Variants in LHX4 observed in about 807,000 individuals in gnomAD.
LHX4 encodes the protein LIM homeobox 4, also known as LIM/homeobox protein Lhx4.
A neutral mutation model predicts 39.2 loss-of-function variants in LHX4; 16 were observed. That is an observed-to-expected ratio of 0.41 (90% CI 0.28 to 0.62). LHX4 has a LOEUF of 0.62. Among genes scored for constraint, LHX4 ranks in the 20% least tolerant of loss-of-function variants. The pLI, the probability that LHX4 is intolerant of heterozygous loss-of-function variation, is 0.33. For synonymous variants in LHX4, 206 were observed against 198.1 expected, an observed-to-expected ratio of 1.04 and a Z score of -0.33; for missense variants, 439 against 511.9, an observed-to-expected ratio of 0.86 and a Z score of 1.37.
upstream of LHX4, among the ~76,000 whole-genome samples, chr1:180,229,467 C>T (rs942025923): frequency 6.6e-6 from 1 of 152,142 alleles, no homozygotes; most frequent in Non-Finnish European, 1.5e-5. Context: ...AGCCCCTGGT[C>T]CCCTTCCCCA....
At chr1:180,254,308 C>T (rs960042836) in intron 2 of LHX4, among the ~76,000 whole-genome samples, 2 of 152,226 alleles carry the variant, frequency 1.3e-5, no homozygotes, top group African/African-American at 2.4e-5. Flanking sequence ...CTCCCGGTAG[C>T]GGGATGGAGG....
intron 1 of LHX4, among the ~76,000 whole-genome samples, chr1:180,233,401 G>A (rs1664226093): frequency 6.6e-6 from 1 of 151,854 alleles, no homozygotes; most frequent in Admixed American, 6.6e-5. Context: ...CCTACGGCCC[G>A]CACCGACAGC....
At chr1:180,259,261 G>A (rs1476259824) in intron 2 of LHX4, among the ~76,000 whole-genome samples, 1 of 152,158 alleles carries the variant, frequency 6.6e-6, no homozygotes, top group Non-Finnish European at 1.5e-5. Flanking sequence ...GTTGGGTAGG[G>A]CACTGCCTTG....
At chr1:180,239,905 G>A (rs1030191422) in intron 1 of LHX4, among the ~76,000 whole-genome samples, 5 of 152,170 alleles carry the variant, frequency 3.3e-5, no homozygotes, top group African/African-American at 1.2e-4. Flanking sequence ...TGTCCCAAGA[G>A]GATGGCCACC....
At chr1:180,245,814 C>T (rs1647361508) in intron 1 of LHX4, among the ~76,000 whole-genome samples, 1 of 152,088 alleles carries the variant, frequency 6.6e-6, no homozygotes, top group African/African-American at 2.4e-5. Flanking sequence ...ATTTAAAAAG[C>T]AGAGCCAGGA....
chr1:180,259,684 C>G (rs574427265), intron 2 of LHX4, among the ~76,000 whole-genome samples: 7 of 151,544 alleles, frequency 4.6e-5, no homozygotes, highest in African/African-American at 1.7e-4. Flanking sequence ...GATGCCCGTG[C>G]TGGGGTGGGG....
intron 2 of LHX4, among the ~76,000 whole-genome samples, chr1:180,251,311 GCCA>G (rs1647620074): frequency 6.6e-6 from 1 of 152,136 alleles, no homozygotes; most frequent in African/African-American, 2.4e-5. Flanking sequence ...GCCTCCACAC[GCCA>G]GCCCAGGCTG....
At position 180,234,926 on chromosome 1, in the gene LHX4, G is replaced by A. The variant is rs893878653; in HGVS notation, c.76+4321G>A. The stretch of plus-strand genomic sequence containing the variant: ...GCCCCGCGGGCAGATGCCGGCCTGG[G>A]TGGCCCGGGGAACAGACGATGAATT... On this transcript the variant is annotated intron_variant, in intron 1 of 5. Transcript: ENST00000263726. This position sits in a 1 kb window ranked among gnomAD's most constrained non-coding sequence, Gnocchi z 4.8. 4.8e-4 allele frequency among the ~76,000 whole-genome samples: 73 copies of A among 152,232 alleles called. No individual in the cohort carries two copies. The highest frequency in any genetic ancestry group is 1.7e-3 in the African/African-American group (69 of 41,470).
At chr1:180,259,823 CCCTGGGTTG>C (rs2149260944) in intron 2 of LHX4, among the ~76,000 whole-genome samples, 2 of 151,628 alleles carry the variant, frequency 1.3e-5, no homozygotes, top group African/African-American at 4.9e-5. Flanking sequence ...GAAGGGCAGT[CCCTGGGTTG>C]TGTGAGTCAG....
intron 1 of LHX4, among the ~76,000 whole-genome samples, chr1:180,231,546 C>T (rs1664179486): frequency 7.9e-6 from 1 of 126,464 alleles, no homozygotes; most frequent in South Asian, 2.6e-4. Context: ...AGAACAGGTG[C>T]CCAGTCGTCG....
rs1334147605 is a variant in LHX4, at chr1:180,234,197, A to G, written c.76+3592A>G. On this transcript the variant is annotated intron_variant, in intron 1 of 5. Coordinates refer to ENST00000263726, the MANE Select transcript of LHX4 (RefSeq NM_033343.4). The surrounding 1 kb of genome is among the most constrained non-coding windows in gnomAD (Gnocchi z 4.8). ...TATATATATATATATATATATATAT[A>G]TATATATATATATATATATATATAA... Among the ~76,000 whole-genome samples, 1 of 90,296 alleles carries G rather than the reference A, an allele frequency of 1.1e-5. No homozygotes were observed. Among genetic ancestry groups the G allele is most frequent in the Non-Finnish European group, 2.1e-5 (1 of 48,368 alleles). 59.2% of individuals were successfully genotyped at this position (90,296 alleles called of 152,430 possible).
rs375441662 is a variant in LHX4 at position 180,274,285 on chromosome 1, C to A, written c.879C>A (p.Asp293Glu). The A allele has an allele frequency of 6.2e-7, 1 of 1,614,140 alleles. No individual in the cohort carries two copies. The highest frequency in any genetic ancestry group is 8.5e-7 in the Non-Finnish European group (1 of 1,179,974). The change falls in exon 6 of 6, where the codon GAC (aspartate) becomes GAA (glutamate). Residue 293 changes from aspartate to glutamate, a missense_variant. Coordinates refer to ENST00000263726, the MANE Select transcript of LHX4 (RefSeq NM_033343.4). ...TAATGAATGGGAGCTTCTCCATGGA[C>A]GGGACAGGACAATCCTATCAGGACT... ...GQLMNGSFSM[D>E]GTGQSYQDLR...
chr1:180,257,850 A>G (rs1290685596), intron 2 of LHX4, among the ~76,000 whole-genome samples: 1 of 152,216 alleles, frequency 6.6e-6, no homozygotes, highest in Non-Finnish European at 1.5e-5. Flanking sequence ...TCAATAGCCA[A>G]GAGTAAGGAA....
At position 180,232,496 on chromosome 1, in the gene LHX4, A is replaced by C; in HGVS notation, c.76+1891A>C. ...TGAGTCTAGGTTCACACTGTGGAAA[A>C]CTTGAGGTGTACAAAGGAACTTCCA... On this transcript the variant is annotated intron_variant, in intron 1 of 5. Transcript: ENST00000263726. The surrounding 1 kb of genome is among the most constrained non-coding windows in gnomAD (Gnocchi z 5.4). Among the ~76,000 whole-genome samples, 1 of 152,044 alleles carries C rather than the reference A, an allele frequency of 6.6e-6. No homozygotes were observed. The highest frequency in any genetic ancestry group is 1.9e-4 in the East Asian group (1 of 5,178).
chr1:180,237,973 C>T (rs355633), intron 1 of LHX4, among the ~76,000 whole-genome samples: 81,172 of 152,096 alleles, frequency 0.53, 23,840 homozygotes, highest in African/African-American at 0.79. Flanking sequence ...CATGGATTTG[C>T]TTAATGTAAT....
chr1:180,272,269 C>T (rs1030866500), intron 5 of LHX4, among the ~76,000 whole-genome samples: 4 of 152,148 alleles, frequency 2.6e-5, no homozygotes, highest in Admixed American at 1.3e-4. Context: ...CCCCTCCCCT[C>T]CTGCTGACTG....
In LHX4 at chr1:180,275,024, G is replaced by T. The variant is rs57069480; in HGVS notation, c.*445G>T. On this transcript the variant is annotated 3_prime_UTR_variant, in exon 6 of 6. Transcript: ENST00000263726. ...CTAAGGTAGAGGCCTCACAGCCCTT[G>T]AGTAAAATAAAAGTGATTTCTGGAC... 864 of 158,610 alleles carry T rather than the reference G, an allele frequency of 5.4e-3. 6 individuals are homozygous for T. The highest frequency in any genetic ancestry group is 0.019 in the African/African-American group (808 of 41,784). The allele number at this position is 158,610 out of a possible 1,614,324, so 9.8% of individuals were successfully genotyped here.
At position 180,266,482 on chromosome 1, in the gene LHX4, C is replaced by A; in HGVS notation, c.339C>A (p.His113Gln). Residue 113 changes from histidine to glutamine, a missense_variant, in exon 3 of 6, where the codon CAC becomes CAA. His to Gln is a conservative substitution (Grantham distance 24, BLOSUM62 0). Coordinates refer to ENST00000263726, the MANE Select transcript of LHX4 (RefSeq NM_033343.4). This position sits in a 1 kb window ranked among gnomAD's most constrained non-coding sequence, Gnocchi z 5.7. ...CCCAGGACTTTGTCTACCACCTGCA[C>A]TGCTTTGCTTGCATCATCTGCAACC... Reference protein sequence around the residue: ...RKAQDFVYHLHCFACIICNRQ... With the variant: ...RKAQDFVYHLQCFACIICNRQ... 6.2e-7 allele frequency: 1 copy of A among 1,614,236 alleles called. No individual in the cohort carries two copies. The highest frequency in any genetic ancestry group is 1.3e-5 in the African/African-American group (1 of 75,064).
chr1:180,249,634 G>A (rs574180661), intron 2 of LHX4, among the ~76,000 whole-genome samples: 1 of 152,342 alleles, frequency 6.6e-6, no homozygotes, highest in East Asian at 1.9e-4. Flanking sequence ...GAGTAATGGG[G>A]AGAAATGTGA....
Sources: gnomAD v4.1 joint callset for allele counts (sites outside exome capture counted in the v4.1 genomes callset) on GRCh38, gnomAD v4.1.1 for gene constraint, Gnocchi (gnomAD v3.1) non-coding constraint, MANE v1.5 for transcripts, NCBI Gene and HGNC (gene_info 2026-07-23, HGNC 2026-07-21) for gene names.